The following CSE1L variants were observed in gnomAD, a reference collection of about 807,000 sequenced individuals.
The protein encoded by CSE1L is chromosome segregation 1 like.
In CSE1L, 24 loss-of-function variants were observed where a neutral mutation model predicts 120.4. That is an observed-to-expected ratio of 0.20 (90% CI 0.14 to 0.28). The LOEUF is 0.28. Among genes scored for constraint, CSE1L ranks in the 10% least tolerant of loss-of-function variants. The probability of loss-of-function intolerance (pLI) is 1.00; values close to 1 mark genes in which losing one functional copy is unlikely to be tolerated. For synonymous variants in CSE1L, 402 were observed against 398.3 expected (o/e 1.01, Z -0.11); for missense variants, 830 against 1,145.2 (o/e 0.72, Z 3.97).
chr20:49,051,785 A>C (rs1462026607), intron 1 of CSE1L, among the ~76,000 whole-genome samples: 1 of 152,180 alleles, frequency 6.6e-6, no homozygotes, highest in Non-Finnish European at 1.5e-5. Flanking sequence ...GCAGCCTTAA[A>C]ATTCTGAGCT....
Position 49,058,538 on chromosome 20 carries a change from C to T in CSE1L, c.75C>T (p.Ile25=). The T allele has an allele frequency of 1.9e-6, 3 of 1,613,224 alleles. No individual in the cohort carries two copies. The highest frequency in any genetic ancestry group is 1.7e-5 in the Admixed American group (1 of 59,960). ...LKKTLDPDPA[I]RRPAEKFLES... is the part of the protein sequence containing the mutation. Reference sequence around the variant, plus strand: ...AAACACTTGATCCTGATCCTGCCATCCGACGTCCAGGTAAAGAAAATAAAC... The same window carrying T: ...AAACACTTGATCCTGATCCTGCCATTCGACGTCCAGGTAAAGAAAATAAAC... Residue 25 remains isoleucine, a synonymous_variant, in exon 2 of 25, where the codon ATC becomes ATT. Transcript: ENST00000262982.
intron 3 of CSE1L, among the ~76,000 whole-genome samples, chr20:49,064,865 TCA>T (rs1332540621): frequency 2.6e-5 from 4 of 150,966 alleles, no homozygotes; most frequent in East Asian, 1.9e-4. Flanking sequence ...CAAGAAATTT[TCA>T]CAGAGGGCTG....
Position 49,076,973 on chromosome 20 carries a change from T to C in CSE1L, c.1336-7T>C. 1 of 1,585,096 alleles carries C rather than the reference T, an allele frequency of 6.3e-7. No homozygotes were observed. Among genetic ancestry groups the C allele is most frequent in the Non-Finnish European group, 8.6e-7 (1 of 1,165,966 alleles). ...TTATTTTACTATGTTATGAATTTGCTTTTCAGCATGGAATTACACAAGCAA... is the reference window on the plus strand; with the variant it reads ...TTATTTTACTATGTTATGAATTTGCCTTTCAGCATGGAATTACACAAGCAA... On this transcript the variant is annotated splice_region_variant and splice_polypyrimidine_tract_variant and intron_variant, in intron 12 of 24. Transcript: ENST00000262982.
At chr20:49,052,654 G>T (rs1462950531) in intron 1 of CSE1L, among the ~76,000 whole-genome samples, 1 of 152,072 alleles carries the variant, frequency 6.6e-6, no homozygotes, top group African/African-American at 2.4e-5. Flanking sequence ...TGGAGATAGG[G>T]TCTCACTCCC....
At chr20:49,089,156 T>G in intron 17 of CSE1L, 91 bp from the exon 18 acceptor site, 1 of 1,147,034 alleles carries the variant, frequency 8.7e-7, no homozygotes, top group Non-Finnish European at 1.2e-6. Context: ...TTTTGATTTT[T>G]AAAAAATAAG....
At chr20:49,061,809 T>A (rs1394612659) in intron 2 of CSE1L, among the ~76,000 whole-genome samples, 2 of 152,036 alleles carry the variant, frequency 1.3e-5, no homozygotes, top group South Asian at 2.1e-4. Flanking sequence ...GGCAATTATT[T>A]TTTTTTTAAT....
At chr20:49,057,634 T>A (rs1031420864) in intron 1 of CSE1L, among the ~76,000 whole-genome samples, 4 of 151,788 alleles carry the variant, frequency 2.6e-5, no homozygotes, top group Non-Finnish European at 5.9e-5. Flanking sequence ...TTGGGTTGGT[T>A]GGTTGGTTTG....
intron 1 of CSE1L, among the ~76,000 whole-genome samples, chr20:49,046,764 C>T (rs1284321076): frequency 6.6e-6 from 1 of 151,830 alleles, no homozygotes; most frequent in Non-Finnish European, 1.5e-5. Flanking sequence ...GCCGCCGCCT[C>T]TCCGCTCGGG....
chr20:49,064,699 C>G (rs751686289), intron 3 of CSE1L, among the ~76,000 whole-genome samples: 9 of 152,020 alleles, frequency 5.9e-5, no homozygotes, highest in Non-Finnish European at 1.0e-4. Context: ...GGCAACAGTG[C>G]CAGACACTGT....
chr20:49,065,189 A>G (rs908362132), intron 3 of CSE1L, among the ~76,000 whole-genome samples: 1 of 151,336 alleles, frequency 6.6e-6, no homozygotes, highest in African/African-American at 2.4e-5. Context: ...AAAATTGGAA[A>G]GATTTTTGTT....
intron 17 of CSE1L, 125 bp downstream of exon 17, chr20:49,088,231 T>A (rs1026496846): frequency 1.9e-5 from 13 of 676,524 alleles, no homozygotes; most frequent in African/African-American, 3.7e-5. Context: ...GACCAGCCAC[T>A]AATGGACTTT....
At chr20:49,066,601 C>T (rs2091894149) in intron 5 of CSE1L, 91 bp downstream of exon 5, 4 of 1,146,876 alleles carry the variant, frequency 3.5e-6, no homozygotes, top group Admixed American at 5.3e-5. Flanking sequence ...GTTGTCATTC[C>T]TTTGAATCTG....
In CSE1L at chr20:49,091,169, T is replaced by A. The variant is rs2092098480; in HGVS notation, c.2365+147T>A. 1.6e-5 allele frequency: 10 copies of A among 645,104 alleles called. No homozygotes were observed. The South Asian group carries it at 2.0e-4, about 13-fold the overall frequency. The allele number at this position is 645,104 out of a possible 1,614,324, so 40.0% of individuals were successfully genotyped here. A position where few individuals can be genotyped will look rare whatever the true frequency, so the allele number is the denominator to read the frequency against. On this transcript the variant is annotated intron_variant, in intron 21 of 24. Coordinates refer to ENST00000262982, the MANE Select transcript of CSE1L (RefSeq NM_001316.4). ...CACGTGTGGAGGTTCATGCCTGTAATCGCAGCACTTTGGGTGGCCAAGGGA... is the reference window on the plus strand; with the variant it reads ...CACGTGTGGAGGTTCATGCCTGTAAACGCAGCACTTTGGGTGGCCAAGGGA...
At position 49,088,485 on chromosome 20, in the gene CSE1L, C is replaced by T. The variant is rs188875669; in HGVS notation, c.1821+379C>T. On this transcript the variant is annotated intron_variant, in intron 17 of 24. Coordinates refer to ENST00000262982, the MANE Select transcript of CSE1L (RefSeq NM_001316.4). The stretch of plus-strand genomic sequence containing the variant: ...ATTAAAATCCTTTGTGTTGTCTTTT[C>T]TTCCTTACTCTTATTTCTCAAAAGG... Among the ~76,000 whole-genome samples, 220 of 152,280 alleles carry T rather than the reference C, an allele frequency of 1.4e-3. 3 individuals carry two copies. Among genetic ancestry groups the T allele is most frequent in the South Asian group, 7.9e-3 (38 of 4,830 alleles).
intron 8 of CSE1L, 73 bp downstream of exon 8, chr20:49,070,370 T>A: frequency 1.4e-6 from 1 of 715,106 alleles, no homozygotes; most frequent in Non-Finnish European, 2.4e-6. Flanking sequence ...TCTGGAAACC[T>A]ATTTACTCTT....
At chr20:49,084,853 T>G (rs1039669842) in intron 15 of CSE1L, among the ~76,000 whole-genome samples, 10 of 152,160 alleles carry the variant, frequency 6.6e-5, no homozygotes. Context: ...CAGTGGCCAA[T>G]TAAGGGTAGA....
chr20:49,092,169 T>C (rs761873429), intron 22 of CSE1L, 42 bp downstream of exon 22: 2 of 1,206,336 alleles, frequency 1.7e-6, no homozygotes, highest in Non-Finnish European at 2.4e-6. Context: ...GAAAATGTTT[T>C]GACTTTTTTT....
chr20:49,095,235 C>G (rs1040644693), intron 24 of CSE1L: 1 of 486,468 alleles, frequency 2.1e-6, no homozygotes, highest in Admixed American at 3.6e-5. Context: ...TGTATAGTTG[C>G]ATTTTGTCAG....
chr20:49,047,397 A>G (rs151191411), intron 1 of CSE1L, among the ~76,000 whole-genome samples: 233 of 151,878 alleles, frequency 1.5e-3, no homozygotes, highest in Admixed American at 3.7e-3. Flanking sequence ...TGTTTCTTCC[A>G]TATTCCAGGG....
Sources: allele counts gnomAD v4.1 joint callset (sites outside exome capture counted in the v4.1 genomes callset), GRCh38; gene constraint gnomAD v4.1.1; transcripts MANE v1.5; gene names NCBI Gene and HGNC (gene_info 2026-07-23, HGNC 2026-07-21).